WDPCP: variants seen among roughly 807,000 people sequenced by gnomAD.
WDPCP encodes WD repeat containing planar cell polarity effector.
In WDPCP, 71 loss-of-function variants were observed where a neutral mutation model predicts 93.1. The ratio of observed to expected loss-of-function variants is 0.76; its 90% CI spans 0.63 to 0.93. The LOEUF is 0.93. Ranked by LOEUF, WDPCP falls within the 40% of genes least tolerant of loss-of-function variation. The pLI is 0.00. For missense variants in WDPCP, 844 were observed against 887.4 expected (o/e 0.95, Z 0.62); for synonymous variants, 315 against 315.0 (o/e 1.00, Z 0.00).
intron 2 of WDPCP, among the ~76,000 whole-genome samples, chr2:63,795,552 G>C (rs1670602676): frequency 7.0e-6 from 1 of 141,876 alleles, no homozygotes; most frequent in East Asian, 2.1e-4. Context: ...AGAGAGAGGG[G>C]GGAAGAAAGA....
chr2:63,759,049 G>A (rs1670015033), intron 2 of WDPCP, among the ~76,000 whole-genome samples: 2 of 152,008 alleles, frequency 1.3e-5, no homozygotes, highest in African/African-American at 4.8e-5. Flanking sequence ...CCAAAGTGCT[G>A]GGATTACAGT....
intron 13 of WDPCP, among the ~76,000 whole-genome samples, chr2:63,275,424 G>A (rs1683007248): frequency 6.6e-6 from 1 of 152,192 alleles, no homozygotes; most frequent in Admixed American, 6.5e-5. Context: ...GTACAGTACT[G>A]TAAGTACTAG....
intron 1 of WDPCP, among the ~76,000 whole-genome samples, chr2:63,495,034 G>A (rs556848968): frequency 1.3e-5 from 2 of 151,830 alleles, no homozygotes; most frequent in East Asian, 3.9e-4. Flanking sequence ...GGCTACAATA[G>A]TAAATTTTGG....
chr2:63,602,664 G>C (rs966960439), intron 3 of WDPCP, among the ~76,000 whole-genome samples: 4 of 151,968 alleles, frequency 2.6e-5, no homozygotes, highest in African/African-American at 9.7e-5. Flanking sequence ...ACTCACAAAA[G>C]AACTCCTTCA....
At chr2:63,816,266 T>A (rs914128638) in intron 1 of WDPCP, among the ~76,000 whole-genome samples, 2 of 152,152 alleles carry the variant, frequency 1.3e-5, no homozygotes, top group African/African-American at 4.8e-5. Flanking sequence ...TTATTTATAA[T>A]AACAACAAAA....
chr2:63,421,162 T>G (rs575040860), intron 9 of WDPCP, among the ~76,000 whole-genome samples: 10 of 152,318 alleles, frequency 6.6e-5, no homozygotes, highest in African/African-American at 2.4e-4. Flanking sequence ...CTCTTATTTG[T>G]AATCGTTTTC....
chr2:63,646,185 G>GAGGTT (rs1384119764), intron 3 of WDPCP, among the ~76,000 whole-genome samples: 1 of 151,742 alleles, frequency 6.6e-6, no homozygotes, highest in Non-Finnish European at 1.5e-5. Context: ...TTTTTGGTTG[G>GAGGTT]AGGTTACCAT....
intron 1 of WDPCP, chr2:63,517,839 T>C (rs570767890): frequency 6.6e-6 from 1 of 152,338 alleles, no homozygotes; most frequent in Admixed American, 6.5e-5. Context: ...TTTTGCTCTC[T>C]ATGTACATAC....
intron 2 of WDPCP, among the ~76,000 whole-genome samples, chr2:63,659,771 C>G (rs985500923): frequency 6.6e-6 from 1 of 152,188 alleles, no homozygotes. Flanking sequence ...TATATGAGCC[C>G]GTGAGCTTCC....
intron 3 of WDPCP, among the ~76,000 whole-genome samples, chr2:63,604,349 C>T (rs1385111755): frequency 6.6e-6 from 1 of 152,176 alleles, no homozygotes; most frequent in African/African-American, 2.4e-5. Flanking sequence ...CAAAAGATCA[C>T]ATTTACATAT....
At chr2:63,528,262 T>G (rs1442402105) in intron 1 of WDPCP, among the ~76,000 whole-genome samples, 2 of 152,184 alleles carry the variant, frequency 1.3e-5, no homozygotes. Context: ...TGCCATTGCT[T>G]TTGGTGTTTT....
chr2:63,652,333 C>A (rs965912489), intron 2 of WDPCP, among the ~76,000 whole-genome samples: 15 of 152,188 alleles, frequency 9.9e-5, no homozygotes, highest in Non-Finnish European at 2.2e-4. Flanking sequence ...AACACTTATG[C>A]AATTCACAAA....
chr2:63,704,597 C>T (rs182088775), intron 2 of WDPCP, among the ~76,000 whole-genome samples: 2,549 of 152,154 alleles, frequency 0.017, 22 homozygotes, highest in African/African-American at 0.018. Context: ...TGCTGGATTA[C>T]GTTTATTGAT....
At chr2:63,133,959 C>T (rs191636498) in intron 17 of WDPCP, among the ~76,000 whole-genome samples, 142 of 152,184 alleles carry the variant, frequency 9.3e-4, no homozygotes, top group South Asian at 1.9e-3. Flanking sequence ...TTCCAGAGTT[C>T]CTATAAAGTT....
At chr2:63,680,460 T>C (rs750424087) in intron 2 of WDPCP, among the ~76,000 whole-genome samples, 1 of 152,088 alleles carries the variant, frequency 6.6e-6, no homozygotes, top group South Asian at 2.1e-4. Context: ...CAAAACCAGG[T>C]TGAGGTCAGC....
At chr2:63,812,072 G>A (rs187054675) in intron 2 of WDPCP, among the ~76,000 whole-genome samples, 3 of 151,770 alleles carry the variant, frequency 2.0e-5, no homozygotes, top group African/African-American at 4.8e-5. Context: ...GTCATGTTGC[G>A]CAAGCTGGTC....
intron 14 of WDPCP, among the ~76,000 whole-genome samples, chr2:63,213,749 A>G (rs1248948214): frequency 6.6e-6 from 1 of 152,022 alleles, no homozygotes; most frequent in African/African-American, 2.4e-5. Flanking sequence ...AGAAGAAAAG[A>G]CGAAGAATTA....
At chr2:63,415,137 G>C (rs1262639054) in intron 9 of WDPCP, among the ~76,000 whole-genome samples, 1 of 152,190 alleles carries the variant, frequency 6.6e-6, no homozygotes, top group East Asian at 1.9e-4. Flanking sequence ...CAAGGCGGGA[G>C]GATTACTTGA....
chr2:63,392,937 G>T (rs889767394), intron 10 of WDPCP, among the ~76,000 whole-genome samples: 16 of 152,342 alleles, frequency 1.1e-4, no homozygotes, highest in Admixed American at 3.3e-4. Context: ...TACACTGTTG[G>T]TGGGACTGTA....
Sources: gnomAD v4.1 joint callset for allele counts (sites outside exome capture counted in the v4.1 genomes callset) on GRCh38, gnomAD v4.1.1 for gene constraint, MANE v1.5 for transcripts, NCBI Gene and HGNC (gene_info 2026-07-23, HGNC 2026-07-21) for gene names.